Variants in CNTN5 observed in about 807,000 individuals in gnomAD.
CNTN5 encodes the protein contactin-5.
A neutral mutation model predicts 129.1 loss-of-function variants in CNTN5; 77 were observed. That is an observed-to-expected ratio of 0.60 (90% CI 0.50 to 0.72). The LOEUF (loss-of-function observed/expected upper bound fraction) is 0.72. Ranked by LOEUF, CNTN5 falls within the 30% of genes least tolerant of loss-of-function variation. CNTN5 has a pLI of 0.00. For synonymous variants in CNTN5, 509 were observed against 465.6 expected, an observed-to-expected ratio of 1.09 and a Z score of -1.20; for missense variants, 1,478 against 1,328.8, an observed-to-expected ratio of 1.11 and a Z score of -1.75.
At chr11:100,295,441 T>G (rs115351339) in intron 18 of CNTN5, among the ~76,000 whole-genome samples, 106 of 150,692 alleles carry the variant, frequency 7.0e-4, no homozygotes, top group African/African-American at 2.4e-3. Flanking sequence ...TGTTCACTTG[T>G]TTTTTTTTAA....
At chr11:99,962,744 C>T (rs1170131835) in intron 8 of CNTN5, among the ~76,000 whole-genome samples, 1 of 151,498 alleles carries the variant, frequency 6.6e-6, no homozygotes, top group Non-Finnish European at 1.5e-5. Flanking sequence ...CTGACTTCCA[C>T]AATGGTTGAA....
chr11:100,261,720 G>A (rs936765265), intron 17 of CNTN5, among the ~76,000 whole-genome samples: 3 of 152,048 alleles, frequency 2.0e-5, no homozygotes, highest in Non-Finnish European at 4.4e-5. Flanking sequence ...TTTAATAAAT[G>A]GTATTGGGAA....
At chr11:99,753,846 C>T (rs1468257961) in intron 3 of CNTN5, among the ~76,000 whole-genome samples, 2 of 151,114 alleles carry the variant, frequency 1.3e-5, no homozygotes, top group Non-Finnish European at 3.0e-5. Flanking sequence ...TGCCACCACA[C>T]CCAACTAATT....
intron 1 of CNTN5, among the ~76,000 whole-genome samples, chr11:99,060,365 T>C (rs1209737148): frequency 6.6e-6 from 1 of 152,152 alleles, no homozygotes; most frequent in Non-Finnish European, 1.5e-5. Context: ...ATGCAAAATG[T>C]ATATTATCTG....
intron 1 of CNTN5, among the ~76,000 whole-genome samples, chr11:99,283,119 G>A (rs574219726): frequency 2.6e-5 from 4 of 152,168 alleles, no homozygotes; most frequent in East Asian, 1.9e-4. Context: ...ATTAGTCAAC[G>A]TAAAATGTTT....
chr11:99,365,464 A>T (rs1939387844), intron 2 of CNTN5, among the ~76,000 whole-genome samples: 1 of 152,166 alleles, frequency 6.6e-6, no homozygotes, highest in Non-Finnish European at 1.5e-5. Context: ...TTCATAGAAC[A>T]TGTGGAGAGA....
At chr11:100,280,959 A>T (rs1479516284) in intron 18 of CNTN5, among the ~76,000 whole-genome samples, 1 of 152,170 alleles carries the variant, frequency 6.6e-6, no homozygotes, top group African/African-American at 2.4e-5. Context: ...GTAAAAAGAA[A>T]ACTAGTAAAA....
chr11:99,115,755 C>T (rs993722842), intron 1 of CNTN5, among the ~76,000 whole-genome samples: 3 of 151,946 alleles, frequency 2.0e-5, no homozygotes, highest in Admixed American at 6.6e-5. Flanking sequence ...AGCGAAACTC[C>T]GTCTCAAAGG....
At chr11:100,036,430 A>C (rs1329921898) in intron 9 of CNTN5, among the ~76,000 whole-genome samples, 2 of 151,890 alleles carry the variant, frequency 1.3e-5, no homozygotes, top group African/African-American at 2.4e-5. Flanking sequence ...CTTTTGGCTT[A>C]GGATTGACTT....
chr11:100,077,487 T>C (rs1944177130), intron 13 of CNTN5, among the ~76,000 whole-genome samples: 1 of 151,762 alleles, frequency 6.6e-6, no homozygotes, highest in Non-Finnish European at 1.5e-5. Context: ...AATAATAATA[T>C]TATATTGGGG....
intron 1 of CNTN5, among the ~76,000 whole-genome samples, chr11:99,170,258 G>T (rs951692174): frequency 6.6e-6 from 1 of 152,072 alleles, no homozygotes; most frequent in African/African-American, 2.4e-5. Flanking sequence ...GGTAGATTCA[G>T]ATCAAGAAAA....
At chr11:99,148,529 G>A (rs1859894781) in intron 1 of CNTN5, among the ~76,000 whole-genome samples, 1 of 152,076 alleles carries the variant, frequency 6.6e-6, no homozygotes, top group South Asian at 2.1e-4. Flanking sequence ...ATTTGGGCAT[G>A]GTATGGTAAT....
chr11:99,731,271 C>A (rs1943524579), intron 3 of CNTN5, among the ~76,000 whole-genome samples: 1 of 125,602 alleles, frequency 8.0e-6, no homozygotes, highest in Non-Finnish European at 1.6e-5. Context: ...CCATGCCTGG[C>A]TAATTTTTTT....
intron 2 of CNTN5, among the ~76,000 whole-genome samples, chr11:99,346,600 G>A (rs1937896422): frequency 6.6e-6 from 1 of 152,232 alleles, no homozygotes; most frequent in Admixed American, 6.5e-5. Flanking sequence ...CCAGAGCAGG[G>A]TGCACTTGTG....
chr11:99,425,121 G>A (rs1011638839), intron 2 of CNTN5, among the ~76,000 whole-genome samples: 20 of 152,274 alleles, frequency 1.3e-4, no homozygotes, highest in Admixed American at 9.2e-4. Context: ...ATGTCTCTGT[G>A]AGTCTGGCTG....
intron 6 of CNTN5, among the ~76,000 whole-genome samples, chr11:99,902,546 T>A (rs981346910): frequency 7.2e-5 from 11 of 152,136 alleles, no homozygotes; most frequent in Non-Finnish European, 1.5e-5. Flanking sequence ...ACTGTTTTCT[T>A]ACACTTCAGT....
chr11:100,040,464 C>A (rs550065465), intron 9 of CNTN5, among the ~76,000 whole-genome samples: 3 of 152,200 alleles, frequency 2.0e-5, no homozygotes, highest in Non-Finnish European at 4.4e-5. Context: ...TCTCAAGCTG[C>A]GTGCTGGGAG....
At chr11:100,326,619 T>C (rs1431537174) in intron 21 of CNTN5, among the ~76,000 whole-genome samples, 2 of 152,220 alleles carry the variant, frequency 1.3e-5, no homozygotes, top group African/African-American at 4.8e-5. Context: ...CTGCCCTTTA[T>C]ATTTCAACTG....
chr11:99,447,467 T>C (rs1944116313), intron 2 of CNTN5, among the ~76,000 whole-genome samples: 1 of 152,176 alleles, frequency 6.6e-6, no homozygotes, highest in Non-Finnish European at 1.5e-5. Flanking sequence ...AGAAATCAAG[T>C]TAGCTGATTT....
Sources: gnomAD v4.1 joint callset for allele counts (sites outside exome capture counted in the v4.1 genomes callset) on GRCh38, gnomAD v4.1.1 for gene constraint, MANE v1.5 for transcripts, NCBI Gene and HGNC (gene_info 2026-07-23, HGNC 2026-07-21) for gene names.